The following CLVS1 variants were observed in gnomAD, a reference collection of about 807,000 sequenced individuals.
The protein encoded by CLVS1 is clavesin-1.
A neutral mutation model predicts 33.1 loss-of-function variants in CLVS1; 10 were observed. That is an observed-to-expected ratio of 0.30 (90% CI 0.19 to 0.51). The LOEUF (loss-of-function observed/expected upper bound fraction) is 0.51, where lower values mean the gene tolerates loss of function less well. CLVS1 is among the 20% of genes least tolerant of loss of function. The probability of loss-of-function intolerance (pLI) is 0.97; values close to 1 mark genes in which losing one functional copy is unlikely to be tolerated. For synonymous variants in CLVS1, 163 were observed against 166.1 expected, an observed-to-expected ratio of 0.98 and a Z score of 0.14; for missense variants, 343 against 433.4, an observed-to-expected ratio of 0.79 and a Z score of 1.85.
intron 3 of CLVS1, among the ~76,000 whole-genome samples, chr8:61,410,827 A>G (rs1313172565): frequency 1.3e-5 from 2 of 152,138 alleles, no homozygotes; most frequent in Non-Finnish European, 2.9e-5. Context: ...TTTTTAGTAC[A>G]GAGGGGATTT....
rs964680858 is a variant in CLVS1 at position 61,193,612 on chromosome 8, C to T, written c.-152+61752C>T. Among the ~76,000 whole-genome samples, 7 of 152,094 alleles carry T rather than the reference C, an allele frequency of 4.6e-5. No homozygotes were observed. In the East Asian group the frequency reaches 1.4e-3, roughly 29 times the overall value. ...AAGACGAGGAAATGTTTTCAGTGTA[C>T]TGTAAGAAAACAACCGCCAACTAAA... On this transcript the variant is annotated intron_variant, in intron 2 of 2. Coordinates refer to the CLVS1 transcript ENST00000522621.
intron 3 of CLVS1, among the ~76,000 whole-genome samples, chr8:61,451,067 C>A (rs1239681572): frequency 6.6e-6 from 1 of 151,912 alleles, no homozygotes; most frequent in African/African-American, 2.4e-5. Flanking sequence ...TCAAGCAGGG[C>A]AGGACATTTA....
chr8:61,272,660 T>G lies in CLVS1; in HGVS notation c.-151-27017T>G, dbSNP rs1255528877. Among the ~76,000 whole-genome samples the G allele has an allele frequency of 5.9e-5, 9 of 152,312 alleles. No homozygotes were observed. In the East Asian group the frequency reaches 1.5e-3, roughly 26 times the overall value. On this transcript the variant is annotated intron_variant, in intron 2 of 2. Coordinates refer to the CLVS1 transcript ENST00000522621. Reference sequence around the variant, plus strand: ...CAGACGTAGATTTGGTCTTTTCACGTAGTCCCATATTTCTTGGAGGCTTTG... The same window carrying G: ...CAGACGTAGATTTGGTCTTTTCACGGAGTCCCATATTTCTTGGAGGCTTTG...
At chr8:61,234,571 C>T (rs933596024) in intron 2 of CLVS1, among the ~76,000 whole-genome samples, 11 of 152,078 alleles carry the variant, frequency 7.2e-5, no homozygotes, top group African/African-American at 2.7e-4. Context: ...ACACGCTATC[C>T]CGTTGCACCC....
chr8:61,279,053 T>C (rs910718393), intron 2 of CLVS1, among the ~76,000 whole-genome samples: 15 of 152,224 alleles, frequency 9.9e-5, no homozygotes, highest in Admixed American at 5.2e-4. Flanking sequence ...ACTGCAGCTC[T>C]AGATTTTAGG....
chr8:61,160,663 A>G (rs1480088747), intron 2 of CLVS1, among the ~76,000 whole-genome samples: 1 of 152,174 alleles, frequency 6.6e-6, no homozygotes, highest in Non-Finnish European at 1.5e-5. Flanking sequence ...GGTATAAATG[A>G]CAGAAATAAA....
At chr8:61,003,005 G>A in the CLVS1 span, among the ~76,000 whole-genome samples, 5 of 152,288 alleles carry the variant, frequency 3.3e-5, no homozygotes, top group South Asian at 2.1e-4. Context: ...TTGCAAATAT[G>A]CTGTCCTCTT....
intron 2 of CLVS1, among the ~76,000 whole-genome samples, chr8:61,347,702 G>T (rs1812278048): frequency 8.7e-6 from 1 of 114,544 alleles, no homozygotes; most frequent in South Asian, 3.1e-4. Flanking sequence ...ATACATTGTG[G>T]AATAGCCAAA....
chr8:61,170,813 G>A (rs1806980229), intron 2 of CLVS1, among the ~76,000 whole-genome samples: 2 of 152,118 alleles, frequency 1.3e-5, no homozygotes, highest in Admixed American at 1.3e-4. Flanking sequence ...AAAGAATAGA[G>A]TTCTTTCTAC....
At chr8:61,201,345 A>G (rs1807728090) in intron 2 of CLVS1, among the ~76,000 whole-genome samples, 1 of 152,188 alleles carries the variant, frequency 6.6e-6, no homozygotes. Flanking sequence ...AAGAAAAGTT[A>G]GTATGAAGAA....
chr8:61,021,471 C>T, the CLVS1 span, among the ~76,000 whole-genome samples: 2 of 152,118 alleles, frequency 1.3e-5, no homozygotes, highest in South Asian at 2.1e-4. Context: ...TTGCCTCAGC[C>T]TCCCATGTAG....
chr8:61,230,386 A>G (rs1436005785), intron 2 of CLVS1, among the ~76,000 whole-genome samples: 1 of 152,124 alleles, frequency 6.6e-6, no homozygotes, highest in East Asian at 1.9e-4. Context: ...CCCGTGACTA[A>G]CCTCTCTGAG....
chr8:61,484,674 C>T (rs1424973105), intron 5 of CLVS1, among the ~76,000 whole-genome samples: 10 of 152,302 alleles, frequency 6.6e-5, no homozygotes, highest in South Asian at 6.2e-4. Flanking sequence ...GGAGGCATCA[C>T]GCTACCTGAC....
At chr8:61,292,591 A>T (rs1398441563) in intron 1 of CLVS1, 2 of 329,020 alleles carry the variant, frequency 6.1e-6, no homozygotes, top group African/African-American at 4.3e-5. Flanking sequence ...TTCTCTTCCC[A>T]TTGATACCCC....
chr8:61,234,116 C>A (rs543414041), intron 2 of CLVS1, among the ~76,000 whole-genome samples: 1 of 152,014 alleles, frequency 6.6e-6, no homozygotes, highest in East Asian at 1.9e-4. Context: ...GGTAGGGGGG[C>A]CAGCTTCCTG....
At chr8:61,283,352 A>T (rs992692735), upstream of CLVS1, among the ~76,000 whole-genome samples, 12 of 152,216 alleles carry the variant, frequency 7.9e-5, no homozygotes, top group Admixed American at 4.6e-4. Flanking sequence ...GTCCTCTGGG[A>T]TGAGTATCAG....
intron 1 of CLVS1, among the ~76,000 whole-genome samples, chr8:61,120,976 C>T (rs1214753795): frequency 2.7e-5 from 4 of 150,020 alleles, no homozygotes; most frequent in African/African-American, 5.0e-5. Flanking sequence ...CCCAGCCTCG[C>T]TGCCGCCTTG....
chr8:61,057,402 ACACACACACACC>A (rs777369265), intron 1 of CLVS1, among the ~76,000 whole-genome samples: 32 of 146,790 alleles, frequency 2.2e-4, no homozygotes, highest in African/African-American at 8.1e-4. Flanking sequence ...ACACACACAC[ACACACACACACC>A]CCATCCAAGG....
rs1183145688 is a variant in CLVS1, at chr8:61,120,668, TC to T, written c.-242-11099del. On this transcript the variant is annotated intron_variant, in intron 1 of 2. Coordinates refer to the CLVS1 transcript ENST00000522621. ...CAGTCTGCCCCTGCTGGGGGGTGCC[TC>T]CCAGTTAGGCTGCTCAGGGGTCAGG... 1.3e-4 allele frequency among the ~76,000 whole-genome samples: 18 copies of T among 137,656 alleles called. 2 individuals are homozygous for T. Among genetic ancestry groups the T allele is most frequent in the Admixed American group, 2.8e-4 (4 of 14,416 alleles). The allele number at this position is 137,656 out of a possible 152,430, so 90.3% of individuals were successfully genotyped here.
Sources: allele counts gnomAD v4.1 joint callset (sites outside exome capture counted in the v4.1 genomes callset), GRCh38; gene constraint gnomAD v4.1.1; transcripts MANE v1.5; gene names NCBI Gene and HGNC (gene_info 2026-07-23, HGNC 2026-07-21).